The following XKR4 variants were observed in gnomAD, a reference collection of about 807,000 sequenced individuals.
The protein encoded by XKR4 is XK related 4.
A neutral mutation model predicts 53.9 loss-of-function variants in XKR4; 12 were observed. The ratio of observed to expected loss-of-function variants is 0.22; its 90% CI spans 0.14 to 0.36. The LOEUF (loss-of-function observed/expected upper bound fraction) is 0.36, where lower values mean the gene tolerates loss of function less well. XKR4 is among the 10% of genes least tolerant of loss of function. XKR4 has a pLI of 1.00. For missense variants in XKR4, 799 were observed against 859.5 expected (o/e 0.93, Z 0.88); for synonymous variants, 354 against 362.4 (o/e 0.98, Z 0.26).
chr8:55,272,708 T>A (rs1028517086), intron 1 of XKR4, among the ~76,000 whole-genome samples: 11 of 152,230 alleles, frequency 7.2e-5, no homozygotes, highest in African/African-American at 2.7e-4. Context: ...ACACAGCAAG[T>A]GTGACTTTCT....
At chr8:55,174,404 A>G (rs1817202958) in intron 1 of XKR4, among the ~76,000 whole-genome samples, 1 of 152,202 alleles carries the variant, frequency 6.6e-6, no homozygotes, top group South Asian at 2.1e-4. Context: ...CACATCTCAC[A>G]AAGAACTAAA....
chr8:55,405,794 T>C (rs1804671099), intron 2 of XKR4, among the ~76,000 whole-genome samples: 1 of 152,336 alleles, frequency 6.6e-6, no homozygotes, highest in South Asian at 2.1e-4. Context: ...CATTTTACAA[T>C]GATCATTTCA....
chr8:55,289,540 AGAAGGAAGGAAG>A (rs142907908), intron 1 of XKR4, among the ~76,000 whole-genome samples: 23,824 of 102,396 alleles, frequency 0.23, 3,548 homozygotes, highest in East Asian at 0.48. Flanking sequence ...AAAGAAAGAA[AGAAGGAAGGAAG>A]GAAGGAAGGA....
chr8:55,270,974 C>T (rs1818683357), intron 1 of XKR4, among the ~76,000 whole-genome samples: 1 of 152,162 alleles, frequency 6.6e-6, no homozygotes, highest in Non-Finnish European at 1.5e-5. Context: ...GAACATCAAC[C>T]TCTGACCATA....
At chr8:55,491,955 G>A (rs2129402311) in intron 2 of XKR4, among the ~76,000 whole-genome samples, 1 of 152,296 alleles carries the variant, frequency 6.6e-6, no homozygotes, top group Admixed American at 6.5e-5. Flanking sequence ...GCAGGTTTCT[G>A]GAACTTTCTC....
At chr8:55,368,286 C>T (rs925098382) in intron 2 of XKR4, among the ~76,000 whole-genome samples, 3 of 152,118 alleles carry the variant, frequency 2.0e-5, no homozygotes, top group Non-Finnish European at 2.9e-5. Flanking sequence ...TCACTGCTCT[C>T]GTTAAAACTC....
chr8:55,311,618 T>C (rs1303059759), intron 1 of XKR4, among the ~76,000 whole-genome samples: 1 of 151,806 alleles, frequency 6.6e-6, no homozygotes, highest in Non-Finnish European at 1.5e-5. Flanking sequence ...AAGAAAAGGG[T>C]ACAAATTTCT....
At chr8:55,422,181 A>G (rs1804945077) in intron 2 of XKR4, among the ~76,000 whole-genome samples, 1 of 152,250 alleles carries the variant, frequency 6.6e-6, no homozygotes, top group South Asian at 2.1e-4. Flanking sequence ...AAACATTACT[A>G]GCTAGTAGAA....
At chr8:55,334,860 A>G (rs533501329) in intron 1 of XKR4, among the ~76,000 whole-genome samples, 11 of 152,286 alleles carry the variant, frequency 7.2e-5, no homozygotes, top group Admixed American at 3.3e-4. Flanking sequence ...CTGTGTGAAA[A>G]TCAAGCACTT....
At chr8:55,412,520 G>A (rs74494596) in intron 2 of XKR4, among the ~76,000 whole-genome samples, 2,080 of 152,234 alleles carry the variant, frequency 0.014, 55 homozygotes, top group African/African-American at 0.048. Flanking sequence ...ATTTGCACCC[G>A]GCGCTGCGGT....
intron 2 of XKR4, among the ~76,000 whole-genome samples, chr8:55,449,289 C>T (rs547045103): frequency 1.3e-5 from 2 of 152,260 alleles, no homozygotes; most frequent in Non-Finnish European, 2.9e-5. Flanking sequence ...TGTACTTTGG[C>T]CACCTCCCGG....
chr8:55,480,236 G>A (rs184849970), intron 2 of XKR4, among the ~76,000 whole-genome samples: 3 of 152,186 alleles, frequency 2.0e-5, no homozygotes, highest in African/African-American at 2.4e-5. Context: ...GGGATGCAAG[G>A]CTGTTTCAAC....
chr8:55,228,967 C>G (rs1817993653), intron 1 of XKR4, among the ~76,000 whole-genome samples: 1 of 152,142 alleles, frequency 6.6e-6, no homozygotes, highest in Non-Finnish European at 1.5e-5. Context: ...GGGTTCCCTT[C>G]CATTCAACTG....
At chr8:55,228,279 T>C (rs1280793128) in intron 1 of XKR4, among the ~76,000 whole-genome samples, 5 of 152,190 alleles carry the variant, frequency 3.3e-5, no homozygotes, top group African/African-American at 1.2e-4. Flanking sequence ...GACAGAGGCA[T>C]GCATAGCTTT....
At chr8:55,415,937 C>G (rs905790208) in intron 2 of XKR4, among the ~76,000 whole-genome samples, 1 of 152,086 alleles carries the variant, frequency 6.6e-6, no homozygotes, top group Admixed American at 6.5e-5. Context: ...AATCATCATG[C>G]TAATCAAAAC....
intron 2 of XKR4, among the ~76,000 whole-genome samples, chr8:55,500,954 G>A (rs1041378729): frequency 4.6e-5 from 7 of 152,110 alleles, no homozygotes; most frequent in Non-Finnish European, 1.0e-4. Context: ...AAAGATATGT[G>A]CTGGCAAGCT....
intron 2 of XKR4, among the ~76,000 whole-genome samples, chr8:55,422,992 A>T (rs146006014): frequency 3.1e-4 from 47 of 152,334 alleles, no homozygotes; most frequent in African/African-American, 1.1e-3. Flanking sequence ...AAATGACATT[A>T]AGTCTAAGAC....
chr8:55,459,877 T>G (rs747651523), intron 2 of XKR4, among the ~76,000 whole-genome samples: 3 of 152,110 alleles, frequency 2.0e-5, no homozygotes, highest in Non-Finnish European at 4.4e-5. Flanking sequence ...TTTTTTAAAG[T>G]TAAATATTAA....
intron 2 of XKR4, chr8:55,450,182 A>G: frequency 1.5e-6 from 1 of 665,494 alleles, no homozygotes; most frequent in Non-Finnish European, 2.7e-6. Context: ...GCTCGGGGGC[A>G]GCTGTGGTAG....
Sources: gnomAD v4.1 joint callset for allele counts (sites outside exome capture counted in the v4.1 genomes callset) on GRCh38, gnomAD v4.1.1 for gene constraint, MANE v1.5 for transcripts, NCBI Gene and HGNC (gene_info 2026-07-23, HGNC 2026-07-21) for gene names.